Variants in RNF169 observed in about 807,000 individuals in gnomAD.
RNF169 encodes the protein E3 ubiquitin-protein ligase RNF169.
A neutral mutation model predicts 53.9 loss-of-function variants in RNF169; 24 were observed. That is an observed-to-expected ratio of 0.45 (90% CI 0.32 to 0.63). The LOEUF is 0.63. Ranked by LOEUF, RNF169 falls within the 20% of genes least tolerant of loss-of-function variation. The pLI is 0.04. For synonymous variants in RNF169, 396 were observed against 363.5 expected, an observed-to-expected ratio of 1.09 and a Z score of -1.02; for missense variants, 883 against 906.2, an observed-to-expected ratio of 0.97 and a Z score of 0.33.
chr11:74,826,441 A>C (rs2036099083), intron 4 of RNF169, among the ~76,000 whole-genome samples: 1 of 152,184 alleles, frequency 6.6e-6, no homozygotes, highest in Non-Finnish European at 1.5e-5. Context: ...CTACCTTGAC[A>C]CATGGGGATT....
At position 74,789,637 on chromosome 11, in the gene RNF169, A is replaced by C. The variant is rs757320384; in HGVS notation, c.514A>C (p.Arg172=). The C allele has an allele frequency of 6.2e-7, 1 of 1,608,708 alleles. No individual in the cohort carries two copies. Among genetic ancestry groups the C allele is most frequent in the East Asian group, 2.2e-5 (1 of 44,816 alleles). ...AAPAEPDFIF[R]APIKLSKPGE... ...TCCCTTTCTTTCAGACTTTATATTC[A>C]GAGCACCAATCAAATTAAGCAAGCC... Residue 172 remains arginine, a synonymous_variant, in exon 2 of 6, where the codon AGA becomes CGA. Coordinates refer to ENST00000299563, the MANE Select transcript of RNF169 (RefSeq NM_001098638.2).
intron 4 of RNF169, among the ~76,000 whole-genome samples, chr11:74,825,532 C>G (rs1172842014): frequency 6.6e-6 from 1 of 151,946 alleles, no homozygotes; most frequent in Non-Finnish European, 1.5e-5. Flanking sequence ...CCAAAAAAGC[C>G]CAGGACAAGA....
rs373500327 is a variant in RNF169 at position 74,836,162 on chromosome 11, G to A, written c.1559G>A (p.Ser520Asn). The change falls in exon 6 of 6, where the codon AGT (serine) becomes AAT (asparagine). Residue 520 changes from serine to asparagine, a missense_variant. Transcript: ENST00000299563. ...TKAEQDSDNK[S>N]STEIPLETCC... The stretch of plus-strand genomic sequence containing the variant: ...GCAGAACAGGACAGTGATAATAAAA[G>A]TAGCACTGAGATCCCACTGGAAACC... The A allele has an allele frequency of 3.7e-6, 6 of 1,614,124 alleles. No homozygotes were observed. Among genetic ancestry groups the A allele is most frequent in the African/African-American group, 2.7e-5 (2 of 75,036 alleles).
At chr11:74,810,841 T>C (rs538065961) in intron 3 of RNF169, among the ~76,000 whole-genome samples, 1 of 152,340 alleles carries the variant, frequency 6.6e-6, no homozygotes, top group East Asian at 1.9e-4. Context: ...ATTTGCCAAG[T>C]AAATTACTAG....
chr11:74,798,959 T>C (rs2035689824), intron 2 of RNF169, among the ~76,000 whole-genome samples: 2 of 151,438 alleles, frequency 1.3e-5, no homozygotes, highest in Admixed American at 1.3e-4. Flanking sequence ...GAGGCTGAGC[T>C]GGGGAGATTG....
chr11:74,829,347 TGCTG>T lies in RNF169; in HGVS notation c.843-5326_843-5323del, dbSNP rs201684979. Among the ~76,000 whole-genome samples, 645 of 152,264 alleles carry T rather than the reference TGCTG, an allele frequency of 4.2e-3. 3 individuals are homozygous for T. The highest frequency in any genetic ancestry group is 0.015 in the African/African-American group (614 of 41,552). On this transcript the variant is annotated intron_variant, in intron 4 of 5. Transcript: ENST00000299563. ...TATTAAAAAGTCAAAAAACAACAGA[TGCTG>T]GCAAGGTTGTGGAGAAAAAGGAACA...
At chr11:74,794,100 T>G (rs1565178951) in intron 2 of RNF169, among the ~76,000 whole-genome samples, 1 of 152,188 alleles carries the variant, frequency 6.6e-6, no homozygotes, top group Non-Finnish European at 1.5e-5. Flanking sequence ...AGCATAGTGT[T>G]TTAGCTAGGA....
At chr11:74,828,089 G>T (rs1456053467) in intron 4 of RNF169, among the ~76,000 whole-genome samples, 1 of 152,148 alleles carries the variant, frequency 6.6e-6, no homozygotes, top group Non-Finnish European at 1.5e-5. Flanking sequence ...AAACCCCATT[G>T]TCCCAGCCCA....
chr11:74,809,739 T>C (rs972018813), intron 2 of RNF169, among the ~76,000 whole-genome samples: 1 of 152,226 alleles, frequency 6.6e-6, no homozygotes, highest in African/African-American at 2.4e-5. Flanking sequence ...CATAAAAATG[T>C]AGGACATTAG....
chr11:74,801,610 C>T (rs979360093), intron 2 of RNF169, among the ~76,000 whole-genome samples: 1 of 152,164 alleles, frequency 6.6e-6, no homozygotes, highest in African/African-American at 2.4e-5. Context: ...AAAGAAAAAG[C>T]TCTAGATATC....
intron 1 of RNF169, among the ~76,000 whole-genome samples, chr11:74,756,992 TTTTA>T (rs975088204): frequency 7.3e-6 from 1 of 136,060 alleles, no homozygotes; most frequent in Non-Finnish European, 1.5e-5. Context: ...ACGGCAATTC[TTTTA>T]TTTATTTATT....
rs1321291641 is a variant in RNF169 at position 74,749,291 on chromosome 11, A to G, written c.411A>G (p.Gln137=). The change falls in exon 1 of 6, where the codon CAA becomes CAG. Residue 137 remains glutamine (Q), a synonymous_variant. Transcript: ENST00000299563. ...TGGGCGAGTGCGCCCGCCGCAGCCA[A>G]CCCGAGCGCTGCCGCCCGCGCCGGG... is the stretch of plus-strand genomic sequence containing the variant. ...EVLGECARRS[Q]PERCRPRRDG... 5 of 1,166,576 alleles carry G rather than the reference A, an allele frequency of 4.3e-6. No individual in the cohort carries two copies. Among genetic ancestry groups the G allele is most frequent in the Non-Finnish European group, 5.3e-6 (5 of 947,628 alleles). 72.3% of individuals were successfully genotyped at this position (1,166,576 alleles called of 1,614,324 possible).
chr11:74,791,911 T>C (rs1323846543), intron 2 of RNF169, among the ~76,000 whole-genome samples: 1 of 152,252 alleles, frequency 6.6e-6, no homozygotes, highest in African/African-American at 2.4e-5. Flanking sequence ...CAGCCCCAGC[T>C]GTGCCTTTCC....
intron 2 of RNF169, among the ~76,000 whole-genome samples, chr11:74,796,728 C>T (rs924402750): frequency 6.6e-5 from 10 of 152,096 alleles, no homozygotes; most frequent in Non-Finnish European, 1.5e-4. Flanking sequence ...ATTCATTTTC[C>T]TGGTTTTTAC....
rs147299659 is a variant in RNF169 at position 74,776,755 on chromosome 11, T to A, written c.503-12871T>A. ...GAGAGCAGTGAACAGGGTTTTGAAG[T>A]ATGAATAGCAAATCATAGTGAAAGG... On this transcript the variant is annotated intron_variant, in intron 1 of 5. Transcript: ENST00000299563. Among the ~76,000 whole-genome samples the A allele has an allele frequency of 2.3e-3, 352 of 152,236 alleles. 3 individuals are homozygous for A. Among genetic ancestry groups the A allele is most frequent in the Middle Eastern group, 6.8e-3 (2 of 294 alleles).
chr11:74,813,198 G>T (rs1016459984), intron 3 of RNF169, among the ~76,000 whole-genome samples: 2 of 151,868 alleles, frequency 1.3e-5, no homozygotes, highest in African/African-American at 2.4e-5. Flanking sequence ...ATGGTTTTTT[G>T]TGTTTGTGTT....
chr11:74,749,208 G>A lies in RNF169; in HGVS notation c.328G>A (p.Gly110Ser), dbSNP rs1356450316. ...GGGTTGCCCTCGCTGCCGCGCCCGC[G>A]GCCCAGGCTGGGCCCGCCGTCGGGC... is the stretch of plus-strand genomic sequence containing the variant. The part of the protein sequence containing the change: ...GPGCPRCRAR[G>S]PGWARRRARD... The change falls in exon 1 of 6, where the codon GGC (glycine) becomes AGC (serine). Residue 110 changes from glycine to serine, a missense_variant. Around this residue, in one of 3 missense-constraint regions of RNF169, gnomAD observed 313 missense variants for 279.9 expected, o/e 1.12. Coordinates refer to ENST00000299563, the MANE Select transcript of RNF169 (RefSeq NM_001098638.2). The A allele has an allele frequency of 5.4e-6, 6 of 1,105,958 alleles. No homozygotes were observed. The highest frequency in any genetic ancestry group is 5.5e-6 in the Non-Finnish European group (5 of 910,048). The allele number at this position is 1,105,958 out of a possible 1,614,324, so 68.5% of individuals were successfully genotyped here.
chr11:74,766,708 T>G (rs1456857763), intron 1 of RNF169, among the ~76,000 whole-genome samples: 1 of 152,218 alleles, frequency 6.6e-6, no homozygotes, highest in Non-Finnish European at 1.5e-5. Flanking sequence ...TGATCTGTGG[T>G]AGTTCATTAT....
At chr11:74,784,207 A>C (rs2035455850) in intron 1 of RNF169, among the ~76,000 whole-genome samples, 1 of 152,216 alleles carries the variant, frequency 6.6e-6, no homozygotes, top group South Asian at 2.1e-4. Context: ...TAGGAAATAA[A>C]AGTGAAATCA....
Sources: allele counts gnomAD v4.1 joint callset (sites outside exome capture counted in the v4.1 genomes callset), GRCh38; gene constraint gnomAD v4.1.1; regional missense constraint gnomAD v4.1.1; transcripts MANE v1.5; gene names NCBI Gene and HGNC (gene_info 2026-07-23, HGNC 2026-07-21).